Variants in GBE1 observed in about 807,000 individuals in gnomAD.
GBE1 encodes 1,4-alpha-glucan-branching enzyme.
In GBE1, 70 loss-of-function variants were observed where a neutral mutation model predicts 88.8. That is an observed-to-expected ratio of 0.79 (90% CI 0.65 to 0.96). The LOEUF is 0.96. Among genes scored for constraint, GBE1 ranks in the 40% least tolerant of loss-of-function variants. GBE1 has a pLI of 0.00. For synonymous variants in GBE1, 284 were observed against 300.1 expected (o/e 0.95, Z 0.56); for missense variants, 872 against 871.0 (o/e 1.00, Z -0.01).
At chr3:81,698,116 T>C (rs1479025272) in intron 2 of GBE1, among the ~76,000 whole-genome samples, 1 of 150,050 alleles carries the variant, frequency 6.7e-6, no homozygotes, top group African/African-American at 2.4e-5. Context: ...AACAGCAATC[T>C]CCTAAAATCC....
chr3:81,512,709 T>C (rs1702741359), intron 14 of GBE1, among the ~76,000 whole-genome samples: 1 of 151,932 alleles, frequency 6.6e-6, no homozygotes, highest in African/African-American at 2.4e-5. Flanking sequence ...TAAATCTTTC[T>C]GATCCTCACA....
At chr3:81,626,840 C>A (rs985479438) in intron 7 of GBE1, among the ~76,000 whole-genome samples, 1 of 151,242 alleles carries the variant, frequency 6.6e-6, no homozygotes, top group African/African-American at 2.4e-5. Flanking sequence ...CTTGGAGATT[C>A]AAAATGTATA....
intron 1 of GBE1, among the ~76,000 whole-genome samples, chr3:81,706,160 G>T (rs1411338178): frequency 2.0e-5 from 3 of 152,206 alleles, no homozygotes; most frequent in Non-Finnish European, 4.4e-5. Context: ...AAGTTAATGA[G>T]TGGGTGTGGC....
intron 12 of GBE1, among the ~76,000 whole-genome samples, chr3:81,567,376 C>A (rs1441131306): frequency 1.3e-5 from 2 of 152,104 alleles, no homozygotes. Flanking sequence ...GTTCATGGTT[C>A]TCAATTGCAG....
intron 12 of GBE1, among the ~76,000 whole-genome samples, chr3:81,571,296 A>G (rs1488189605): frequency 6.6e-6 from 1 of 152,238 alleles, no homozygotes; most frequent in Non-Finnish European, 1.5e-5. Context: ...TAAGGAATGA[A>G]TGAGCAAACA....
At chr3:81,745,553 G>T (rs1559706572) in intron 1 of GBE1, among the ~76,000 whole-genome samples, 2 of 151,788 alleles carry the variant, frequency 1.3e-5, no homozygotes, top group Non-Finnish European at 2.9e-5. Context: ...TGTAATGATG[G>T]TGATGATTAT....
In GBE1 at chr3:81,498,713, C is replaced by G. The variant is rs1198490316; in HGVS notation, c.2052+397G>C. Reference sequence around the variant, plus strand: ...TAAGGTGTTTTAAATTAAACTTCATCTGCTAGTCAATAATGTAGAAATCTG... The same window carrying G: ...TAAGGTGTTTTAAATTAAACTTCATGTGCTAGTCAATAATGTAGAAATCTG... On this transcript the variant is annotated intron_variant, in intron 15 of 15. Coordinates refer to ENST00000429644, the MANE Select transcript of GBE1 (RefSeq NM_000158.4). 2.0e-5 allele frequency among the ~76,000 whole-genome samples: 3 copies of G among 152,184 alleles called. No individual in the cohort carries two copies. In the East Asian group the frequency reaches 5.8e-4, roughly 29 times the overall value.
intron 3 of GBE1, 67 bp from the exon 4 acceptor site, chr3:81,649,988 A>G: frequency 7.8e-7 from 1 of 1,279,828 alleles, no homozygotes; most frequent in Non-Finnish European, 1.1e-6. Context: ...ATAATGGTTT[A>G]GGAGCACTGC....
At chr3:81,567,175 G>A (rs1323441234) in intron 12 of GBE1, among the ~76,000 whole-genome samples, 1 of 152,054 alleles carries the variant, frequency 6.6e-6, no homozygotes, top group Non-Finnish European at 1.5e-5. Context: ...ATTTCATTCA[G>A]CTGCTTAACA....
chr3:81,738,520 ATG>A (rs1314096581), intron 1 of GBE1, among the ~76,000 whole-genome samples: 4 of 151,444 alleles, frequency 2.6e-5, no homozygotes, highest in Admixed American at 6.5e-5. Flanking sequence ...TGAGCAAAAA[ATG>A]TGTGTTTTTT....
rs1012765762 is a variant in GBE1, at chr3:81,632,006, T to A, written c.992+10775A>T. On this transcript the variant is annotated intron_variant, in intron 7 of 15. Coordinates refer to ENST00000429644, the MANE Select transcript of GBE1 (RefSeq NM_000158.4). ...CTGGTGTGTGATGTTCCCCTCTCTA[T>A]CCTCATATGTTCTCATTGTTTGACT... Among the ~76,000 whole-genome samples, 9 of 152,210 alleles carry A rather than the reference T, an allele frequency of 5.9e-5. No homozygotes were observed. In the East Asian group the frequency reaches 1.7e-3, roughly 29 times the overall value.
chr3:81,620,946 A>G (rs909736430), intron 7 of GBE1, among the ~76,000 whole-genome samples: 3 of 152,134 alleles, frequency 2.0e-5, no homozygotes. Context: ...AGTCACAGAG[A>G]CTCAGTATAC....
intron 7 of GBE1, among the ~76,000 whole-genome samples, chr3:81,633,430 C>CTAT (rs1269199134): frequency 6.6e-6 from 1 of 152,108 alleles, no homozygotes; most frequent in African/African-American, 2.4e-5. Flanking sequence ...GAGCCCAGGC[C>CTAT]TATACCTATT....
chr3:81,530,273 T>TC, intron 14 of GBE1, among the ~76,000 whole-genome samples: 1 of 152,094 alleles, frequency 6.6e-6, no homozygotes, highest in African/African-American at 2.4e-5. Context: ...CTATTTCATT[T>TC]TTTTTTTTTT....
intron 12 of GBE1, among the ~76,000 whole-genome samples, chr3:81,573,340 T>C (rs1308015588): frequency 6.6e-6 from 1 of 152,212 alleles, no homozygotes. Flanking sequence ...AGACTATTAC[T>C]GATCTCATAC....
intron 2 of GBE1, 118 bp from the exon 3 acceptor site, chr3:81,671,071 G>A (rs1705182673): frequency 2.1e-6 from 1 of 472,110 alleles, no homozygotes. Context: ...TAAAATAATT[G>A]TTTTCTGAAG....
At chr3:81,685,616 A>T (rs545354338) in intron 2 of GBE1, among the ~76,000 whole-genome samples, 1 of 152,230 alleles carries the variant, frequency 6.6e-6, no homozygotes, top group East Asian at 1.9e-4. Context: ...TCCTGATCTC[A>T]GGCGATCCAT....
At chr3:81,576,698 T>C (rs77950254) in intron 12 of GBE1, among the ~76,000 whole-genome samples, 2,046 of 152,178 alleles carry the variant, frequency 0.013, 53 homozygotes, top group African/African-American at 0.047. Flanking sequence ...ACCTGATACC[T>C]GGCTGATGCG....
chr3:81,622,867 C>T (rs1339685678), intron 7 of GBE1, among the ~76,000 whole-genome samples: 1 of 152,130 alleles, frequency 6.6e-6, no homozygotes, highest in Non-Finnish European at 1.5e-5. Context: ...CTTCAACATG[C>T]ACTCCATATT....
Sources: gnomAD v4.1 joint callset for allele counts (sites outside exome capture counted in the v4.1 genomes callset) on GRCh38, gnomAD v4.1.1 for gene constraint, MANE v1.5 for transcripts, NCBI Gene and HGNC (gene_info 2026-07-23, HGNC 2026-07-21) for gene names.